Variants in MVB12B observed in about 807,000 individuals in gnomAD.
MVB12B encodes ESCRT-I complex subunit MVB12B.
A neutral mutation model predicts 41.6 loss-of-function variants in MVB12B; 16 were observed. The observed-to-expected ratio is 0.38, with a 90% confidence interval of 0.26 to 0.58. The LOEUF is 0.58. MVB12B is among the 20% of genes least tolerant of loss of function. The pLI, the probability that MVB12B is intolerant of heterozygous loss-of-function variation, is 0.62. For missense variants in MVB12B, 274 were observed against 380.2 expected (o/e 0.72, Z 2.32); for synonymous variants, 133 against 139.7 (o/e 0.95, Z 0.34).
chr9:126,357,024 T>C (rs562086606), intron 2 of MVB12B, among the ~76,000 whole-genome samples: 1 of 152,198 alleles, frequency 6.6e-6, no homozygotes, highest in South Asian at 2.1e-4. Flanking sequence ...AATGGCCTAA[T>C]ACAAGCCATC....
chr9:126,359,621 T>G (rs765011856), intron 2 of MVB12B, among the ~76,000 whole-genome samples: 20 of 152,208 alleles, frequency 1.3e-4, no homozygotes, highest in Non-Finnish European at 2.2e-4. Context: ...CCTTGGTAGT[T>G]TGTGTCTGCT....
intron 7 of MVB12B, among the ~76,000 whole-genome samples, chr9:126,450,236 C>T (rs1832864858): frequency 6.6e-6 from 1 of 152,194 alleles, no homozygotes; most frequent in African/African-American, 2.4e-5. Flanking sequence ...AGGTCTGGCT[C>T]CCAGGTGGGC....
At chr9:126,483,224 C>T (rs541560182) in intron 8 of MVB12B, among the ~76,000 whole-genome samples, 27 of 152,320 alleles carry the variant, frequency 1.8e-4, no homozygotes, top group African/African-American at 6.3e-4. Context: ...ATGGACTGGA[C>T]GCCCTCTGCC....
intron 7 of MVB12B, among the ~76,000 whole-genome samples, chr9:126,439,489 A>G (rs1832578718): frequency 6.6e-6 from 1 of 152,206 alleles, no homozygotes; most frequent in Admixed American, 6.5e-5. Context: ...TTAAACTCTT[A>G]TTTTGTATCT....
rs761388297 is a variant in MVB12B, at chr9:126,480,106, A to G, written c.758-1263A>G. ...GAGCGCACTGCCCGACGCTGCCCCC[A>G]TGCTCTACCTTGCTTCCATTGTGCT... On this transcript the variant is annotated intron_variant, in intron 7 of 9. Coordinates refer to ENST00000361171, the MANE Select transcript of MVB12B (RefSeq NM_033446.3). The surrounding 1 kb of genome is among the most constrained non-coding windows in gnomAD (Gnocchi z 4.9). Among the ~76,000 whole-genome samples, 1 of 152,168 alleles carries G rather than the reference A, an allele frequency of 6.6e-6. No individual in the cohort carries two copies. Among genetic ancestry groups the G allele is most frequent in the Non-Finnish European group, 1.5e-5 (1 of 68,012 alleles).
At chr9:126,499,562 G>A (rs1050724887) in intron 9 of MVB12B, among the ~76,000 whole-genome samples, 3 of 152,200 alleles carry the variant, frequency 2.0e-5, no homozygotes, top group Non-Finnish European at 4.4e-5. Flanking sequence ...TTGCCCAAGG[G>A]AGTGAAAGGG....
rs567137270 is a variant in MVB12B at position 126,334,720 on chromosome 9, C to A, written c.82-5788C>A. ...AAAACCTGATGGGAGTGGACATGGA[C>A]TACCCTCATTTGCAGTAATCATGGG... On this transcript the variant is annotated intron_variant, in intron 1 of 9. Coordinates refer to ENST00000361171, the MANE Select transcript of MVB12B (RefSeq NM_033446.3). 8.5e-5 allele frequency among the ~76,000 whole-genome samples: 13 copies of A among 152,312 alleles called. No individual in the cohort carries two copies. The South Asian group carries it at 2.7e-3, about 32-fold the overall frequency.
intron 2 of MVB12B, among the ~76,000 whole-genome samples, chr9:126,342,106 T>C (rs1332639388): frequency 6.6e-6 from 1 of 152,234 alleles, no homozygotes; most frequent in Admixed American, 6.5e-5. Context: ...CACGAAACTC[T>C]GGGGGAAGCT....
At chr9:126,351,481 CTCT>C (rs1181261132) in intron 2 of MVB12B, among the ~76,000 whole-genome samples, 1 of 106,038 alleles carries the variant, frequency 9.4e-6, no homozygotes, top group Non-Finnish European at 1.9e-5. Flanking sequence ...CAGTCTTTCA[CTCT>C]TTTTTTTTTT....
chr9:126,398,139 G>A (rs1336432292), intron 6 of MVB12B, among the ~76,000 whole-genome samples: 2 of 152,090 alleles, frequency 1.3e-5, no homozygotes, highest in Admixed American at 1.3e-4. Flanking sequence ...TCAGCGCAGA[G>A]GACTTCTCTC....
At chr9:126,500,615 A>AC (rs1833934338) in intron 9 of MVB12B, among the ~76,000 whole-genome samples, 2 of 151,950 alleles carry the variant, frequency 1.3e-5, no homozygotes, top group Admixed American at 1.3e-4. Flanking sequence ...TTTGACCGGG[A>AC]CCCCCCGGGG....
In MVB12B at chr9:126,503,249, A is replaced by T; in HGVS notation, c.946A>T (p.Ile316Phe). ...LPPSPTRCQQ[I>F]PQS Reference sequence around the variant, plus strand: ...GCCCAGCCCCACCAGGTGTCAGCAGATCCCGCAGTCCTGAGGAGCCAGCGG... The same window carrying T: ...GCCCAGCCCCACCAGGTGTCAGCAGTTCCCGCAGTCCTGAGGAGCCAGCGG... The change falls in exon 10 of 10, where the codon ATC becomes TTC. Residue 316 changes from isoleucine (I) to phenylalanine (F), a missense_variant. Physicochemically the swap from Ile to Phe is conservative, Grantham distance 21 (BLOSUM62 0). Transcript: ENST00000361171. 6.5e-7 allele frequency: 1 copy of T among 1,550,300 alleles called. No individual in the cohort carries two copies. The highest frequency in any genetic ancestry group is 8.7e-7 in the Non-Finnish European group (1 of 1,146,860).
Position 126,355,486 on chromosome 9 carries a change from C to T in MVB12B, c.204+14856C>T, listed in dbSNP as rs376776407. Among the ~76,000 whole-genome samples the T allele has an allele frequency of 2.6e-5, 4 of 152,340 alleles. No homozygotes were observed. In the South Asian group the frequency reaches 6.2e-4, roughly 24 times the overall value. ...AGCAAATCATGCCCTTAACATTCAA[C>T]GCTACTTTTCTGCTTAAATTTAAAG... is the stretch of plus-strand genomic sequence containing the variant. On this transcript the variant is annotated intron_variant, in intron 2 of 9. Coordinates refer to ENST00000361171, the MANE Select transcript of MVB12B (RefSeq NM_033446.3).
intron 2 of MVB12B, among the ~76,000 whole-genome samples, chr9:126,375,042 C>T (rs1448744473): frequency 1.3e-5 from 2 of 152,118 alleles, no homozygotes; most frequent in Non-Finnish European, 2.9e-5. Context: ...TTTTTTCCCT[C>T]TAGTACTTTA....
Position 126,468,902 on chromosome 9 carries a change from T to C in MVB12B, c.758-12467T>C, listed in dbSNP as rs1833256357. 6.6e-6 allele frequency among the ~76,000 whole-genome samples: 1 copy of C among 152,248 alleles called. No homozygotes were observed. The highest frequency in any genetic ancestry group is 2.1e-4 in the South Asian group (1 of 4,836). On this transcript the variant is annotated intron_variant, in intron 7 of 9. Transcript: ENST00000361171. The surrounding 1 kb of genome is among the most constrained non-coding windows in gnomAD (Gnocchi z 4.3). ...ACTTCTATGCAACAGTTAAAAAGGC[T>C]GAGACACAGAGCTCTAAGAATTGAT...
At chr9:126,370,275 A>AT (rs913045606) in intron 2 of MVB12B, among the ~76,000 whole-genome samples, 3 of 151,528 alleles carry the variant, frequency 2.0e-5, no homozygotes, top group Admixed American at 1.3e-4. Context: ...TACTCCACTC[A>AT]TTTTGTTGGA....
At chr9:126,328,013 G>C (rs897859892) in intron 1 of MVB12B, among the ~76,000 whole-genome samples, 2 of 152,126 alleles carry the variant, frequency 1.3e-5, no homozygotes, top group African/African-American at 4.8e-5. Flanking sequence ...CTCGACAGCT[G>C]GCTGGATCTC....
Position 126,376,433 on chromosome 9 carries a change from G to A in MVB12B, c.205-4631G>A, listed in dbSNP as rs1296511228. The A allele has an allele frequency of 4.5e-5, 51 of 1,126,640 alleles. No individual in the cohort carries two copies. The highest frequency in any genetic ancestry group is 5.8e-5 in the Non-Finnish European group (49 of 841,704). 69.8% of individuals were successfully genotyped at this position (1,126,640 alleles called of 1,614,324 possible). ...AGTGCCTGGTGACCCTTTGTTGTGG[G>A]TTGGGATTTAAGATGGAGGCACCAG... On this transcript the variant is annotated intron_variant, in intron 2 of 9. Coordinates refer to ENST00000361171, the MANE Select transcript of MVB12B (RefSeq NM_033446.3). This position sits in a 1 kb window ranked among gnomAD's most constrained non-coding sequence, Gnocchi z 4.1.
At position 126,392,817 on chromosome 9, in the gene MVB12B, G is replaced by A. The variant is rs1012444935; in HGVS notation, c.539+622G>A. Among the ~76,000 whole-genome samples, 1 of 152,194 alleles carries A rather than the reference G, an allele frequency of 6.6e-6. No individual in the cohort carries two copies. Among genetic ancestry groups the A allele is most frequent in the Non-Finnish European group, 1.5e-5 (1 of 68,042 alleles). On this transcript the variant is annotated intron_variant, in intron 5 of 9. Transcript: ENST00000361171. The surrounding 1 kb of genome is among the most constrained non-coding windows in gnomAD (Gnocchi z 4.8). ...GAGCAGAAGCAGAAGGAGAGAAGTG[G>A]GAATGAGCATGGCACGTTCTGGGAG...
Sources: allele counts gnomAD v4.1 joint callset (sites outside exome capture counted in the v4.1 genomes callset), GRCh38; gene constraint gnomAD v4.1.1; non-coding constraint Gnocchi (gnomAD v3.1); transcripts MANE v1.5; gene names NCBI Gene and HGNC (gene_info 2026-07-23, HGNC 2026-07-21).